The following SETX variants were observed in gnomAD, a reference collection of about 807,000 sequenced individuals.
SETX encodes senataxin.
Under a neutral mutation model 227.2 loss-of-function variants are expected in SETX, and 90 were observed. That is an observed-to-expected ratio of 0.40 (90% CI 0.33 to 0.47). The LOEUF (loss-of-function observed/expected upper bound fraction) is 0.47. SETX is among the 20% of genes least tolerant of loss of function. The pLI, the probability that SETX is intolerant of heterozygous loss-of-function variation, is 0.91. For synonymous variants in SETX, 1,210 were observed against 1,113.2 expected, an observed-to-expected ratio of 1.09 and a Z score of -1.73; for missense variants, 3,052 against 3,181.5, an observed-to-expected ratio of 0.96 and a Z score of 0.98.
chr9:132,311,860 T>C lies in SETX; in HGVS notation c.5275-4A>G, dbSNP rs766855177. Reference sequence around the variant, plus strand: ...AGTTGAGCCATTCTTGTGCCACCTATACAAAGCACAAAAGCAAATTAAGAA... The same window carrying C: ...AGTTGAGCCATTCTTGTGCCACCTACACAAAGCACAAAAGCAAATTAAGAA... On this transcript the variant is annotated splice_region_variant and splice_polypyrimidine_tract_variant and intron_variant, in intron 10 of 25. Transcript: ENST00000224140. The C allele has an allele frequency of 1.7e-5, 28 of 1,605,216 alleles. No homozygotes were observed. The highest frequency in any genetic ancestry group is 2.2e-5 in the East Asian group (1 of 44,770).
chr9:132,274,779 G>C (rs980104837), intron 23 of SETX: 1 of 162,306 alleles, frequency 6.2e-6, no homozygotes. Flanking sequence ...TTCTAGATTC[G>C]ATTTTGGTAG....
chr9:132,326,750 A>T lies in SETX; in HGVS notation c.4848T>A (p.Thr1616=), dbSNP rs1267283754. ...RIAGLSKSLE[T]SSALSPSLKN... ...TTAGAGACGGTGAAAGTGCTGAAGA[A>T]GTTTCCAAAGATTTAGAAAGACCAG... Residue 1616 remains threonine, a synonymous_variant, in exon 10 of 26, where the codon ACT becomes ACA. Transcript: ENST00000224140. 3 of 1,614,234 alleles carry T rather than the reference A, an allele frequency of 1.9e-6. No individual in the cohort carries two copies. The highest frequency in any genetic ancestry group is 1.3e-5 in the African/African-American group (1 of 75,062).
At chr9:132,339,336 A>G (rs967654922) in intron 5 of SETX, among the ~76,000 whole-genome samples, 1 of 152,054 alleles carries the variant, frequency 6.6e-6, no homozygotes, top group African/African-American at 2.4e-5. Context: ...TTAGCTGGGC[A>G]TGGTGACCGA....
chr9:132,345,238 A>C (rs1848217622), intron 4 of SETX, among the ~76,000 whole-genome samples: 1 of 152,218 alleles, frequency 6.6e-6, no homozygotes, highest in Non-Finnish European at 1.5e-5. Context: ...AAGGCTGAGA[A>C]ACCCTGCCAC....
At chr9:132,319,243 C>T (rs540292154) in intron 10 of SETX, among the ~76,000 whole-genome samples, 1 of 152,324 alleles carries the variant, frequency 6.6e-6, no homozygotes, top group Admixed American at 6.5e-5. Context: ...AAGCCACCAT[C>T]ACCTTTCTCC....
chr9:132,321,011 G>A (rs479784), intron 10 of SETX, among the ~76,000 whole-genome samples: 121,067 of 151,976 alleles, frequency 0.8, 49,102 homozygotes, highest in Non-Finnish European at 0.88. Context: ...TGTCTCTAGA[G>A]AGGATAAGCA....
chr9:132,329,728 T>G lies in SETX; in HGVS notation c.1870A>C (p.Ser624Arg). Reference protein sequence around the residue: ...ISPASYNKEESEQMGKTSRKD... With the variant: ...ISPASYNKEEREQMGKTSRKD... ...CTAGACGTCTTCCCCATTTGTTCAC[T>G]TTCTTCTTTATTATAAGATGCAGGA... The change falls in exon 10 of 26, where the codon AGT becomes CGT. Residue 624 changes from serine to arginine, a missense_variant. Coordinates refer to ENST00000224140, the MANE Select transcript of SETX (RefSeq NM_015046.7). The G allele has an allele frequency of 4.3e-6, 7 of 1,614,158 alleles. No individual in the cohort carries two copies. Among genetic ancestry groups the G allele is most frequent in the Non-Finnish European group, 5.9e-6 (7 of 1,180,026 alleles).
At chr9:132,311,909 T>A in intron 10 of SETX, 53 bp from the exon 11 acceptor site, 1 of 1,325,186 alleles carries the variant, frequency 7.5e-7, no homozygotes, top group Non-Finnish European at 1.1e-6. Flanking sequence ...AAAGTGATGC[T>A]AAATAGTAAC....
intron 10 of SETX, among the ~76,000 whole-genome samples, chr9:132,315,904 G>A (rs755649380): frequency 6.6e-6 from 1 of 152,126 alleles, no homozygotes; most frequent in Non-Finnish European, 1.5e-5. Flanking sequence ...TAGTATAACC[G>A]AAAAATCCAG....
Position 132,332,607 on chromosome 9 carries a change from T to C in SETX, c.839-1159A>G, listed in dbSNP as rs535066780. Among the ~76,000 whole-genome samples, 109 of 152,342 alleles carry C rather than the reference T, an allele frequency of 7.2e-4. 1 individual carries two copies. Among genetic ancestry groups the C allele is most frequent in the Admixed American group, 5.2e-3 (79 of 15,300 alleles). ...TAGATGAAGACAATTATGAAAAGTT[T>C]CTCAAAGAGGTAATTAAAATTTTGA... On this transcript the variant is annotated intron_variant, in intron 7 of 25. Transcript: ENST00000224140.
rs182809605 is a variant in SETX, at chr9:132,298,948, C to A, written c.5549-636G>T. ...TGCTCTATCTCACAAACTAAAAGAA[C>A]CACTCTTACCTCAGAACAAAGAATA... On this transcript the variant is annotated intron_variant, in intron 12 of 25. Coordinates refer to ENST00000224140, the MANE Select transcript of SETX (RefSeq NM_015046.7). Among the ~76,000 whole-genome samples, 4 of 152,080 alleles carry A rather than the reference C, an allele frequency of 2.6e-5. No individual in the cohort carries two copies. The East Asian group carries it at 7.7e-4, about 29-fold the overall frequency.
At chr9:132,275,215 A>G (rs1843097441) in intron 23 of SETX, 41 bp downstream of exon 23, 1 of 1,598,696 alleles carries the variant, frequency 6.3e-7, no homozygotes. Context: ...TCTCATTCTA[A>G]TTCAACAAGA....
intron 24 of SETX, 38 bp downstream of exon 24, chr9:132,271,672 T>C: frequency 2.7e-6 from 4 of 1,483,058 alleles, no homozygotes; most frequent in Non-Finnish European, 3.8e-6. Flanking sequence ...AGCAACAATG[T>C]ATACAAGTAT....
At chr9:132,355,243 C>T (rs1401895162), upstream of SETX, among the ~76,000 whole-genome samples, 1 of 152,076 alleles carries the variant, frequency 6.6e-6, no homozygotes, top group Admixed American at 6.5e-5. Context: ...GAACCTTGAC[C>T]TCGGCCCCGC....
intron 18 of SETX, among the ~76,000 whole-genome samples, chr9:132,284,694 G>A (rs951497884): frequency 4.6e-5 from 7 of 152,092 alleles, no homozygotes; most frequent in Non-Finnish European, 1.0e-4. Context: ...TCTAACCCAA[G>A]AATTGCAAAA....
chr9:132,351,948 T>C (rs944008729), intron 2 of SETX, among the ~76,000 whole-genome samples: 4 of 152,218 alleles, frequency 2.6e-5, no homozygotes, highest in African/African-American at 9.6e-5. Flanking sequence ...ACCAAAAATA[T>C]AGGATGCTTC....
chr9:132,356,569 G>A (rs1464164172), upstream of SETX, among the ~76,000 whole-genome samples: 1 of 152,152 alleles, frequency 6.6e-6, no homozygotes, highest in African/African-American at 2.4e-5. Flanking sequence ...ACAGTTAATA[G>A]AGGAGACAGG....
intron 15 of SETX, among the ~76,000 whole-genome samples, chr9:132,294,096 T>C (rs1481017143): frequency 6.6e-6 from 1 of 152,010 alleles, no homozygotes; most frequent in East Asian, 1.9e-4. Flanking sequence ...CTGGCCCGGC[T>C]GTGCAGTCAA....
chr9:132,301,987 G>T (rs954917247), intron 11 of SETX, among the ~76,000 whole-genome samples: 1 of 152,182 alleles, frequency 6.6e-6, no homozygotes, highest in Non-Finnish European at 1.5e-5. Context: ...TAAGTTCAAG[G>T]CCTAAGACTT....
Sources: gnomAD v4.1 joint callset for allele counts (sites outside exome capture counted in the v4.1 genomes callset) on GRCh38, gnomAD v4.1.1 for gene constraint, MANE v1.5 for transcripts, NCBI Gene and HGNC (gene_info 2026-07-23, HGNC 2026-07-21) for gene names.